FHIT: variants seen among roughly 807,000 people sequenced by gnomAD.
FHIT encodes bis(5'-adenosyl)-triphosphatase.
A neutral mutation model predicts 17.9 loss-of-function variants in FHIT; 19 were observed. The ratio of observed to expected loss-of-function variants is 1.06; its 90% CI spans 0.74 to 1.56. The LOEUF is 1.56. FHIT is among the 40% of genes most tolerant of loss of function. The probability of loss-of-function intolerance (pLI) is 0.00; values close to 1 mark genes in which losing one functional copy is unlikely to be tolerated. For missense variants in FHIT, 248 were observed against 189.2 expected (o/e 1.31, Z -1.82); for synonymous variants, 81 against 69.7 (o/e 1.16, Z -0.81).
intron 3 of FHIT, among the ~76,000 whole-genome samples, chr3:60,841,084 G>C (rs1553744964): frequency 2.0e-5 from 3 of 151,954 alleles, no homozygotes; most frequent in Non-Finnish European, 4.4e-5. Context: ...TTTATCTGGA[G>C]AACCCAAAAT....
intron 2 of FHIT, among the ~76,000 whole-genome samples, chr3:61,042,573 T>G (rs1395468959): frequency 6.6e-6 from 1 of 152,164 alleles, no homozygotes; most frequent in Non-Finnish European, 1.5e-5. Flanking sequence ...GTGCAGTGGC[T>G]CACACCTGTG....
At chr3:60,972,758 T>C (rs960460807) in intron 3 of FHIT, among the ~76,000 whole-genome samples, 5 of 152,176 alleles carry the variant, frequency 3.3e-5, no homozygotes, top group African/African-American at 9.6e-5. Context: ...TTTTGCATTC[T>C]CTTTTCCACT....
chr3:60,783,359 C>T (rs1332168377), intron 4 of FHIT, among the ~76,000 whole-genome samples: 3 of 152,126 alleles, frequency 2.0e-5, no homozygotes, highest in Admixed American at 6.5e-5. Context: ...TTTAACATAG[C>T]CCACAGTCTG....
At chr3:60,873,996 A>G (rs1382105237) in intron 3 of FHIT, among the ~76,000 whole-genome samples, 3 of 152,122 alleles carry the variant, frequency 2.0e-5, no homozygotes, top group African/African-American at 7.2e-5. Flanking sequence ...TATGTGTTAA[A>G]AATTGTCCAC....
intron 5 of FHIT, among the ~76,000 whole-genome samples, chr3:60,485,652 G>C (rs529304522): frequency 6.6e-6 from 1 of 151,976 alleles, no homozygotes; most frequent in Admixed American, 6.6e-5. Context: ...AGGCCTGTTG[G>C]GGGTGGGGGG....
intron 8 of FHIT, among the ~76,000 whole-genome samples, chr3:59,914,918 C>A (rs994523827): frequency 1.3e-5 from 2 of 152,060 alleles, no homozygotes; most frequent in African/African-American, 4.8e-5. Context: ...AGGTTAACTC[C>A]AAACTTATCA....
chr3:60,423,611 T>A (rs984777111), intron 5 of FHIT, among the ~76,000 whole-genome samples: 3 of 152,148 alleles, frequency 2.0e-5, no homozygotes, highest in Admixed American at 2.0e-4. Flanking sequence ...GAATGACATT[T>A]TCTAATTTCT....
rs530571423 is a variant in FHIT, at chr3:60,156,471, G to A, written c.104-142319C>T. Among the ~76,000 whole-genome samples, 84 of 152,228 alleles carry A rather than the reference G, an allele frequency of 5.5e-4. 4 individuals carry two copies. The highest frequency in any genetic ancestry group is 4.2e-3 in the South Asian group (20 of 4,808). ...AAATTTAAAACAAAACAAAATGACT[G>A]GGTGCAGCGGTTCACACCTGGAATC... On this transcript the variant is annotated intron_variant, in intron 5 of 9. Transcript: ENST00000492590.
At chr3:61,061,048 A>G (rs1381327822) in intron 2 of FHIT, among the ~76,000 whole-genome samples, 1 of 152,232 alleles carries the variant, frequency 6.6e-6, no homozygotes, top group Admixed American at 6.5e-5. Context: ...ACTATTCTGC[A>G]GAATGTTCCA....
chr3:59,921,179 C>T (rs1174898421), intron 8 of FHIT, among the ~76,000 whole-genome samples: 1 of 152,188 alleles, frequency 6.6e-6, no homozygotes, highest in African/African-American at 2.4e-5. Context: ...CTCACGGAAT[C>T]CAATGTGTTC....
intron 7 of FHIT, among the ~76,000 whole-genome samples, chr3:59,926,115 C>G (rs191876866): frequency 1.3e-5 from 2 of 152,272 alleles, no homozygotes; most frequent in Admixed American, 1.3e-4. Context: ...ATGACACATT[C>G]CACACCAAAA....
chr3:60,975,005 C>T lies in FHIT; in HGVS notation c.-111+67042G>A, dbSNP rs543528025. 7.2e-5 allele frequency among the ~76,000 whole-genome samples: 11 copies of T among 152,064 alleles called. No individual in the cohort carries two copies. The South Asian group carries it at 1.5e-3, about 20-fold the overall frequency. ...TTTCATGTTTTTAAAATTCTGTCTTCGGCTTTGGCTTAAGTTATGGTTACT... is the reference window on the plus strand; with the variant it reads ...TTTCATGTTTTTAAAATTCTGTCTTTGGCTTTGGCTTAAGTTATGGTTACT... On this transcript the variant is annotated intron_variant, in intron 3 of 9. Transcript: ENST00000492590.
At chr3:60,112,741 C>T (rs79076279) in intron 5 of FHIT, among the ~76,000 whole-genome samples, 15 of 152,174 alleles carry the variant, frequency 9.9e-5, no homozygotes, top group African/African-American at 3.1e-4. Flanking sequence ...CTAGAGCATA[C>T]GAAAATACCA....
intron 5 of FHIT, among the ~76,000 whole-genome samples, chr3:60,081,388 C>A (rs1703277469): frequency 6.6e-6 from 1 of 152,064 alleles, no homozygotes; most frequent in African/African-American, 2.4e-5. Context: ...CACCACAACC[C>A]CATGCAGCCT....
chr3:60,817,599 T>G (rs1316971019), intron 4 of FHIT, among the ~76,000 whole-genome samples: 1 of 152,004 alleles, frequency 6.6e-6, no homozygotes, highest in Non-Finnish European at 1.5e-5. Context: ...TGATGAGACG[T>G]CATCGTTCAT....
At chr3:59,899,463 TGGCTCCATGA>T (rs1211962493) in intron 8 of FHIT, among the ~76,000 whole-genome samples, 1 of 152,146 alleles carries the variant, frequency 6.6e-6, no homozygotes, top group African/African-American at 2.4e-5. Context: ...AATACAAATT[TGGCTCCATGA>T]GGCTTGCCTA....
intron 4 of FHIT, among the ~76,000 whole-genome samples, chr3:60,687,631 G>T (rs1212623958): frequency 3.3e-5 from 5 of 152,072 alleles, no homozygotes; most frequent in Non-Finnish European, 7.4e-5. Flanking sequence ...TTAAAAAAGT[G>T]TATTGCTTAT....
At chr3:60,560,415 G>T (rs1268551343) in intron 4 of FHIT, among the ~76,000 whole-genome samples, 1 of 152,062 alleles carries the variant, frequency 6.6e-6, no homozygotes, top group Non-Finnish European at 1.5e-5. Context: ...GCAGACCTAA[G>T]CAGCCAGGTG....
rs116553299 is a variant in FHIT at position 59,975,003 on chromosome 3, A to C, written c.279+36368T>G. Among the ~76,000 whole-genome samples the C allele has an allele frequency of 3.5e-3, 529 of 152,214 alleles. 4 individuals are homozygous for C. The highest frequency in any genetic ancestry group is 5.6e-3 in the Admixed American group (85 of 15,276). Reference sequence around the variant, plus strand: ...TTCTAGCTTTACTTTTCTTCATTGCACTAATCGCCACTTAACATGTGCATA... The same window carrying C: ...TTCTAGCTTTACTTTTCTTCATTGCCCTAATCGCCACTTAACATGTGCATA... On this transcript the variant is annotated intron_variant, in intron 7 of 9. Transcript: ENST00000492590.
Sources: gnomAD v4.1 joint callset for allele counts (sites outside exome capture counted in the v4.1 genomes callset) on GRCh38, gnomAD v4.1.1 for gene constraint, MANE v1.5 for transcripts, NCBI Gene and HGNC (gene_info 2026-07-23, HGNC 2026-07-21) for gene names.